The following TTN variants were observed in gnomAD, a reference collection of about 807,000 sequenced individuals.
TTN encodes titin.
In TTN, 1,525 loss-of-function variants were observed where a neutral mutation model predicts 3,223.0. The ratio of observed to expected loss-of-function variants is 0.47; its 90% CI spans 0.45 to 0.49. The LOEUF (loss-of-function observed/expected upper bound fraction) is 0.49, where lower values mean the gene tolerates loss of function less well. Among genes scored for constraint, TTN ranks in the 20% least tolerant of loss-of-function variants. The pLI, the probability that TTN is intolerant of heterozygous loss-of-function variation, is 0.00. For synonymous variants in TTN, 14,094 were observed against 15,161.0 expected, an observed-to-expected ratio of 0.93 and a Z score of 5.17; for missense variants, 40,786 against 43,424.0, an observed-to-expected ratio of 0.94 and a Z score of 5.40.
rs1207371966 is a variant in TTN, at chr2:178,771,420, T to A, written c.7907A>T (p.Glu2636Val). 2 of 1,613,976 alleles carry A rather than the reference T, an allele frequency of 1.2e-6. No individual in the cohort carries two copies. The highest frequency in any genetic ancestry group is 1.7e-6 in the Non-Finnish European group (2 of 1,179,892). Residue 2636 changes from glutamate (E) to valine (V), a missense_variant, in exon 34 of 363, where the codon GAA becomes GTA. Physicochemically the swap from Glu to Val is moderately radical, Grantham distance 121 (BLOSUM62 -2). Transcript: ENST00000589042. ...GGCAACTTCACATTCAAACACAGCT[T>A]CCTGGGATTCAGCTACGGTCTGATC... ...LTDQTVAESQ[E>V]AVFECEVANP... is the part of the protein sequence containing the mutation.
At chr2:178,691,015 C>T (rs935489672) in intron 121 of TTN, among the ~76,000 whole-genome samples, 1 of 152,140 alleles carries the variant, frequency 6.6e-6, no homozygotes, top group Non-Finnish European at 1.5e-5. Flanking sequence ...CTAAGACGAT[C>T]TGTCTCAAGT....
intron 10 of TTN, 143 bp downstream of exon 10, chr2:178,791,929 C>T: frequency 6.0e-6 from 5 of 831,856 alleles, no homozygotes; most frequent in Non-Finnish European, 9.1e-6. Context: ...TCCTGAGTTT[C>T]AATACTAGAC....
Position 178,550,951 on chromosome 2 carries a change from AG to A in TTN, c.91564+15del. On this transcript the variant is annotated intron_variant, in intron 336 of 362. Coordinates refer to ENST00000589042, the MANE Select transcript of TTN (RefSeq NM_001267550.2). ...AATGCTCTTAGTCTCATTGGAAATAAGTTGTAAATGCTTACCATTTTCATCT... is the reference window on the plus strand; with the variant it reads ...AATGCTCTTAGTCTCATTGGAAATAATTGTAAATGCTTACCATTTTCATCT... 1 of 1,608,950 alleles carries A rather than the reference AG, an allele frequency of 6.2e-7. No individual in the cohort carries two copies. The highest frequency in any genetic ancestry group is 8.5e-7 in the Non-Finnish European group (1 of 1,178,484).
rs771405267 is a variant in TTN at position 178,632,903 on chromosome 2, A to G, written c.43213+15T>C. ...CAGAGAAAATACAAAAACGTGGCTG[A>G]CAAGTAGAGCATACCTTTCACTTTC... is the stretch of plus-strand genomic sequence containing the variant. On this transcript the variant is annotated intron_variant, in intron 234 of 362. Transcript: ENST00000589042. 2.5e-6 allele frequency: 4 copies of G among 1,612,138 alleles called. No individual in the cohort carries two copies. The South Asian group carries it at 4.4e-5, about 18-fold the overall frequency.
At chr2:178,751,709 C>G in intron 47 of TTN, 1 of 1,613,342 alleles carries the variant, frequency 6.2e-7, no homozygotes, top group African/African-American at 1.3e-5. Flanking sequence ...AATCTCTAAG[C>G]TGGAAGAGTG....
chr2:178,734,829 A>C lies in TTN; in HGVS notation c.15095T>G (p.Phe5032Cys). 6.2e-7 allele frequency: 1 copy of C among 1,613,820 alleles called. No homozygotes were observed. Among genetic ancestry groups the C allele is most frequent in the Non-Finnish European group, 8.5e-7 (1 of 1,179,766 alleles). ...ATCAAGTATAGCCTCAGAATTGACA[A>C]AATACATTCGGACTGTGTTACTTTC... The part of the protein sequence containing the change: ...LSESNTVRMY[F>C]VNSEAILDIT... The change falls in exon 51 of 363, where the codon TTT becomes TGT. Residue 5032 changes from phenylalanine to cysteine, a missense_variant. By Grantham distance (205) the Phe-to-Cys change is radical. Transcript: ENST00000589042.
rs374344734 is a variant in TTN at position 178,721,996 on chromosome 2, C to A, written c.22667G>T (p.Arg7556Leu). The A allele has an allele frequency of 1.2e-6, 2 of 1,613,534 alleles. No homozygotes were observed. Residue 7556 changes from arginine to leucine, a missense_variant, in exon 78 of 363, where the codon CGT (arginine) becomes CTT (leucine). By Grantham distance (102) the Arg-to-Leu change is moderately radical. Transcript: ENST00000589042. ...ITWSKDNKEI[R>L]PGGNYTITCV... ...TGTGATTGTATAGTTTCCTCCAGGA[C>A]GGATCTCCTTGTTATCTTTTGACCA...
intron 47 of TTN, among the ~76,000 whole-genome samples, chr2:178,743,595 A>T (rs1179618701): frequency 2.0e-5 from 3 of 151,976 alleles, no homozygotes; most frequent in Non-Finnish European, 4.4e-5. Flanking sequence ...CCAGTAGGAC[A>T]TAAAAACATT....
chr2:178,530,307 A>C lies in TTN; in HGVS notation c.106308T>G (p.Val35436=), dbSNP rs1688526487. The change falls in exon 358 of 363, where the codon GTT becomes GTG. Residue 35436 remains valine, a synonymous_variant. Transcript: ENST00000589042. ...LQDTTVSSDS[V]AKFAVKATGE... ...CAGTAGCCTTAACTGCAAATTTAGC[A>C]ACACTGTCTGAAGAAACAGTTGTAT... The C allele has an allele frequency of 6.2e-7, 1 of 1,613,606 alleles. No homozygotes were observed. Among genetic ancestry groups the C allele is most frequent in the Admixed American group, 1.7e-5 (1 of 60,004 alleles).
chr2:178,546,104 G>A lies in TTN; in HGVS notation c.95132C>T (p.Pro31711Leu). 6.2e-7 allele frequency: 1 copy of A among 1,604,658 alleles called. No individual in the cohort carries two copies. Among genetic ancestry groups the A allele is most frequent in the Non-Finnish European group, 8.5e-7 (1 of 1,174,052 alleles). Residue 31711 changes from proline (P) to leucine (L), a missense_variant, in exon 343 of 363, where the codon CCA becomes CTA. Transcript: ENST00000589042. ...VMVKVLDSPG[P>L]CGKLTVSRVT... ...TCTGCTGACGGTGAGCTTTCCACAT[G>A]GGCCAGGGGAATCTGAAACAGGTGT... is the stretch of plus-strand genomic sequence containing the variant.
At chr2:178,550,470 C>G in intron 336 of TTN, 197 bp from the exon 337 acceptor site, 1 of 540,624 alleles carries the variant, frequency 1.8e-6, no homozygotes, top group Non-Finnish European at 3.2e-6. Flanking sequence ...TTATTATTCC[C>G]TTTGTAATGC....
intron 43 of TTN, among the ~76,000 whole-genome samples, chr2:178,763,319 G>A (rs1387469008): frequency 1.3e-5 from 2 of 152,182 alleles, no homozygotes; most frequent in Non-Finnish European, 2.9e-5. Context: ...AACTCTGATT[G>A]ATTACTGTAT....
chr2:178,722,220 C>T, intron 77 of TTN, 39 bp downstream of exon 77: 1 of 1,531,700 alleles, frequency 6.5e-7, no homozygotes, highest in Non-Finnish European at 8.7e-7. Flanking sequence ...AAATATGAAG[C>T]CACAGTTTGC....
rs1343078144 is a variant in TTN at position 178,571,364 on chromosome 2, TC to T, written c.74767del (p.Asp24923ThrfsTer23). The T allele has an allele frequency of 6.2e-7, 1 of 1,613,286 alleles. No homozygotes were observed. The highest frequency in any genetic ancestry group is 8.5e-7 in the Non-Finnish European group (1 of 1,179,566). ...GTPVVTLSSR[D>X]SMEVQWNEPI... ...CTCATTCCATTGTACTTCCATGCTGTCCCTGGAGGACAGTGTGACAACTGGA... is the reference window on the plus strand; with the variant it reads ...CTCATTCCATTGTACTTCCATGCTGTCCTGGAGGACAGTGTGACAACTGGA... On this transcript the variant is annotated frameshift_variant, in exon 326 of 363. Transcript: ENST00000589042. LOFTEE classifies it high-confidence loss of function.
intron 263 of TTN, among the ~76,000 whole-genome samples, chr2:178,613,545 G>A (rs2056735402): frequency 6.6e-6 from 1 of 151,850 alleles, no homozygotes; most frequent in Non-Finnish European, 1.5e-5. Flanking sequence ...ACTTCCTGAA[G>A]GTTAATATTT....
In TTN at chr2:178,552,432, C is replaced by T. The variant is rs777057812; in HGVS notation, c.90468G>A (p.Lys30156=). The T allele has an allele frequency of 6.2e-7, 1 of 1,600,866 alleles. No homozygotes were observed. Among genetic ancestry groups the T allele is most frequent in the Non-Finnish European group, 8.5e-7 (1 of 1,170,864 alleles). Residue 30156 remains lysine (K), a synonymous_variant, in exon 335 of 363, where the codon AAG becomes AAA. Coordinates refer to ENST00000589042, the MANE Select transcript of TTN (RefSeq NM_001267550.2). ...GHNVHLELPY[K]GKPKPSISWL... ...AACTGATGGATGGTTTGGGTTTTCC[C>T]TTATAAGGTAATTCAAGGTGCACAT...
At chr2:178,768,271 A>G in intron 38 of TTN, 116 bp from the exon 39 acceptor site, 2 of 1,261,866 alleles carry the variant, frequency 1.6e-6, no homozygotes, top group Non-Finnish European at 2.2e-6. Context: ...CCATGTATTC[A>G]TCATTGTGTA....
At position 178,537,932 on chromosome 2, in the gene TTN, A is replaced by G. The variant is rs1692346992; in HGVS notation, c.99290-15T>C. The G allele has an allele frequency of 6.3e-7, 1 of 1,576,382 alleles. No homozygotes were observed. Among genetic ancestry groups the G allele is most frequent in the South Asian group, 1.2e-5 (1 of 86,300 alleles). On this transcript the variant is annotated splice_polypyrimidine_tract_variant and intron_variant, in intron 354 of 362. Transcript: ENST00000589042. ...GGCCTCTCCAGCTGAACAATATGAAAGATAATATTAAGTGACTGTTAATAC... is the reference window on the plus strand; with the variant it reads ...GGCCTCTCCAGCTGAACAATATGAAGGATAATATTAAGTGACTGTTAATAC...
rs556955840 is a variant in TTN at position 178,775,222 on chromosome 2, G to A, written c.6509-20C>T. The A allele has an allele frequency of 2.5e-6, 4 of 1,613,224 alleles. No individual in the cohort carries two copies. In the East Asian group the frequency reaches 8.9e-5, roughly 36 times the overall value. The stretch of plus-strand genomic sequence containing the variant: ...GCTTGGCTACAAGAAAAAGGTGGGG[G>A]AAAAAGGGGAGAGCACATTATATTA... On this transcript the variant is annotated intron_variant, in intron 28 of 362. Coordinates refer to ENST00000589042, the MANE Select transcript of TTN (RefSeq NM_001267550.2).
Sources: gnomAD v4.1 joint callset for allele counts (sites outside exome capture counted in the v4.1 genomes callset) on GRCh38, gnomAD v4.1.1 for gene constraint, MANE v1.5 for transcripts, NCBI Gene and HGNC (gene_info 2026-07-23, HGNC 2026-07-21) for gene names.